TSPAN8: variants seen among roughly 807,000 people sequenced by gnomAD.
TSPAN8 encodes tetraspanin 8.
TSPAN8 carries 21 observed loss-of-function variants against 32.8 expected under a neutral mutation model. The observed-to-expected ratio is 0.64, with a 90% CI of 0.45 to 0.92. The LOEUF is 0.92. Among genes scored for constraint, TSPAN8 ranks in the 40% least tolerant of loss-of-function variants. The probability of loss-of-function intolerance (pLI) is 0.00; values close to 1 mark genes in which losing one functional copy is unlikely to be tolerated. For missense variants in TSPAN8, 269 were observed against 281.9 expected (o/e 0.95, Z 0.33); for synonymous variants, 95 against 94.6 (o/e 1.00, Z -0.03).
At chr12:71,140,552 G>C (rs1239694560) in intron 3 of TSPAN8, among the ~76,000 whole-genome samples, 5 of 152,058 alleles carry the variant, frequency 3.3e-5, no homozygotes, top group Non-Finnish European at 5.9e-5. Flanking sequence ...ATAGTCCATA[G>C]AGTCATCTAG....
Position 71,144,186 on chromosome 12 carries a change from C to T in TSPAN8, c.88G>A (p.Ala30Thr). 1.2e-6 allele frequency: 2 copies of T among 1,611,604 alleles called. No individual in the cohort carries two copies. The highest frequency in any genetic ancestry group is 2.7e-5 in the African/African-American group (2 of 74,950). The change falls in exon 3 of 9, where the codon GCA (alanine) becomes ACA (threonine). Residue 30 changes from alanine (A) to threonine (T), a missense_variant. By Grantham distance (58) the Ala-to-Thr change is moderately conservative (BLOSUM62 0). Transcript: ENST00000247829. ...TCATTGCTTACTCGTACCCATATTG[C>T]TAATGCTAGGATCAAGATACCACAT... is the stretch of plus-strand genomic sequence containing the variant. ...WLCGILILALAIWVRVSNDSQ... is the reference protein window; with the variant it reads ...WLCGILILALTIWVRVSNDSQ...
intron 5 of TSPAN8, 25 bp downstream of exon 5, chr12:71,138,131 A>G: frequency 6.2e-7 from 1 of 1,611,118 alleles, no homozygotes; most frequent in South Asian, 1.1e-5. Context: ...ACTTCTTCAA[A>G]ATTTTCAAAC....
At chr12:71,145,274 C>T (rs960352802) in intron 2 of TSPAN8, among the ~76,000 whole-genome samples, 6 of 152,090 alleles carry the variant, frequency 3.9e-5, no homozygotes, top group Admixed American at 6.6e-5. Flanking sequence ...ACCATAGACT[C>T]TGTGCTCCCT....
intron 6 of TSPAN8, among the ~76,000 whole-genome samples, chr12:71,135,443 A>T (rs1871664572): frequency 6.6e-6 from 1 of 150,720 alleles, no homozygotes; most frequent in African/African-American, 2.4e-5. Flanking sequence ...AGGAAGAAAA[A>T]GAATCAGCAG....
At chr12:71,132,609 G>T in intron 7 of TSPAN8, 84 bp downstream of exon 7, 1 of 1,455,662 alleles carries the variant, frequency 6.9e-7, no homozygotes. Flanking sequence ...GGTACTCCAT[G>T]CATTTTAATT....
intron 2 of TSPAN8, among the ~76,000 whole-genome samples, chr12:71,145,024 TTAAGAGCTGTGTCTGGTAACA>T (rs1872029452): frequency 6.6e-6 from 1 of 152,032 alleles, no homozygotes; most frequent in Non-Finnish European, 1.5e-5. Flanking sequence ...GATAGAGATG[TTAAGAGCTGTGTCTGGTAACA>T]TACCAGACAC....
At chr12:71,128,940 A>G (rs1213350637) in intron 8 of TSPAN8, among the ~76,000 whole-genome samples, 1 of 152,198 alleles carries the variant, frequency 6.6e-6, no homozygotes, top group African/African-American at 2.4e-5. Flanking sequence ...ATGAGAAATA[A>G]GAAATTGTAA....
chr12:71,153,434 C>T (rs1188146280), intron 2 of TSPAN8, among the ~76,000 whole-genome samples: 3 of 152,184 alleles, frequency 2.0e-5, no homozygotes, highest in Non-Finnish European at 2.9e-5. Context: ...TGGGGCATAT[C>T]TCAAGTTGTC....
rs552107709 is a variant in TSPAN8 at position 71,131,009 on chromosome 12, ACTAT to A, written c.577-1599_577-1596del. 2.5e-4 allele frequency among the ~76,000 whole-genome samples: 38 copies of A among 152,318 alleles called. No homozygotes were observed. The South Asian group carries it at 7.7e-3, about 31-fold the overall frequency. ...CTGAATTATGTGTGAACTTACAGAA[ACTAT>A]CTAATAGTTTTTTTAGAATAATTCC... On this transcript the variant is annotated intron_variant, in intron 7 of 8. Transcript: ENST00000247829.
chr12:71,144,723 GC>G (rs1872018767), intron 2 of TSPAN8, among the ~76,000 whole-genome samples: 1 of 152,076 alleles, frequency 6.6e-6, no homozygotes, highest in Admixed American at 6.6e-5. Context: ...GTGCAGTTAA[GC>G]AACAAGGCTA....
At chr12:71,132,204 G>A (rs961829482) in intron 7 of TSPAN8, among the ~76,000 whole-genome samples, 12 of 152,128 alleles carry the variant, frequency 7.9e-5, no homozygotes, top group African/African-American at 1.7e-4. Context: ...CAGTAACATA[G>A]AGAACCTAAA....
At chr12:71,127,587 A>T (rs575345284) in intron 8 of TSPAN8, among the ~76,000 whole-genome samples, 7 of 152,340 alleles carry the variant, frequency 4.6e-5, no homozygotes, top group African/African-American at 1.7e-4. Flanking sequence ...GAATGTTTGT[A>T]TTAAGCTATT....
chr12:71,130,801 T>C (rs1043348053), intron 7 of TSPAN8, among the ~76,000 whole-genome samples: 1 of 152,140 alleles, frequency 6.6e-6, no homozygotes, highest in African/African-American at 2.4e-5. Context: ...CTCTTCCTCT[T>C]TGCCTAAGAT....
Position 71,151,265 on chromosome 12 carries a change from G to A in TSPAN8, c.60+6354C>T, listed in dbSNP as rs141216111. 5.1e-3 allele frequency among the ~76,000 whole-genome samples: 772 copies of A among 152,040 alleles called. 5 individuals are homozygous for A. Among genetic ancestry groups the A allele is most frequent in the African/African-American group, 0.016 (657 of 41,472 alleles). ...TTTTTAGTAGAGATGGGGTTTCACC[G>A]TGTTAGCCGGGATGGTCTCGATCTC... On this transcript the variant is annotated intron_variant, in intron 2 of 8. Coordinates refer to ENST00000247829, the MANE Select transcript of TSPAN8 (RefSeq NM_004616.3).
At chr12:71,147,689 G>C (rs1354712240) in intron 2 of TSPAN8, among the ~76,000 whole-genome samples, 2 of 152,138 alleles carry the variant, frequency 1.3e-5, no homozygotes, top group Admixed American at 1.3e-4. Flanking sequence ...CAATTGTATT[G>C]TGGTAAGAGA....
chr12:71,133,074 C>T (rs1212084346), intron 6 of TSPAN8, among the ~76,000 whole-genome samples: 1 of 151,996 alleles, frequency 6.6e-6, no homozygotes, highest in African/African-American at 2.4e-5. Context: ...GAAAAACTCA[C>T]CTACTAGGTT....
Position 71,151,286 on chromosome 12 carries a change from A to C in TSPAN8, c.60+6333T>G, listed in dbSNP as rs189642580. ...CACCGTGTTAGCCGGGATGGTCTCG[A>C]TCTCCTGACCTTGTGATCCACCCAC... On this transcript the variant is annotated intron_variant, in intron 2 of 8. Coordinates refer to ENST00000247829, the MANE Select transcript of TSPAN8 (RefSeq NM_004616.3). 2.5e-3 allele frequency among the ~76,000 whole-genome samples: 386 copies of C among 152,184 alleles called. 5 individuals carry two copies. The highest frequency in any genetic ancestry group is 8.9e-3 in the African/African-American group (370 of 41,526).
intron 8 of TSPAN8, among the ~76,000 whole-genome samples, chr12:71,127,361 G>T (rs534401547): frequency 1.3e-5 from 2 of 152,138 alleles, no homozygotes; most frequent in African/African-American, 4.8e-5. Flanking sequence ...AAGGAAGATG[G>T]AATATAAAAT....
At chr12:71,146,379 G>A (rs1565788079) in intron 2 of TSPAN8, among the ~76,000 whole-genome samples, 1 of 152,060 alleles carries the variant, frequency 6.6e-6, no homozygotes, top group African/African-American at 2.4e-5. Flanking sequence ...GAATGACTTT[G>A]AAAGTCAATT....
Sources: allele counts gnomAD v4.1 joint callset (sites outside exome capture counted in the v4.1 genomes callset), GRCh38; gene constraint gnomAD v4.1.1; transcripts MANE v1.5; gene names NCBI Gene and HGNC (gene_info 2026-07-23, HGNC 2026-07-21).